TULP4: variants seen among roughly 807,000 people sequenced by gnomAD.
The protein encoded by TULP4 is TUB like protein 4.
A neutral mutation model predicts 129.0 loss-of-function variants in TULP4; 16 were observed. The ratio of observed to expected loss-of-function variants is 0.12; its 90% CI spans 0.08 to 0.19. The LOEUF (loss-of-function observed/expected upper bound fraction) is 0.19. TULP4 is among the 10% of genes least tolerant of loss of function. The pLI is 1.00. For synonymous variants in TULP4, 998 were observed against 854.0 expected, an observed-to-expected ratio of 1.17 and a Z score of -2.94; for missense variants, 1,842 against 2,059.1, an observed-to-expected ratio of 0.89 and a Z score of 2.04.
At chr6:158,315,668 G>A (rs535551298) in intron 1 of TULP4, among the ~76,000 whole-genome samples, 1 of 152,228 alleles carries the variant, frequency 6.6e-6, no homozygotes, top group South Asian at 2.1e-4. Flanking sequence ...CTTAGACTGG[G>A]TAATCCATAA....
chr6:158,425,152 T>G, intron 2 of TULP4, among the ~76,000 whole-genome samples: 1 of 12,450 alleles, frequency 8.0e-5, no homozygotes. Context: ...AGACACCATC[T>G]CAAAAAAAAA....
intron 1 of TULP4, among the ~76,000 whole-genome samples, chr6:158,337,189 G>A (rs1780065062): frequency 8.1e-6 from 1 of 124,216 alleles, no homozygotes; most frequent in South Asian, 2.8e-4. Flanking sequence ...CTGGAGTGCA[G>A]TGGTTCAATC....
In TULP4 at chr6:158,313,594, AC is replaced by A. The variant is rs762810129; in HGVS notation, c.-420del. On this transcript the variant is annotated 5_prime_UTR_variant, in exon 1 of 14. It removes the in-frame stop codon of an upstream open reading frame in the 5' UTR. Transcript: ENST00000367097. ...GTTACTTGAAATCTATGTATTTGCA[AC>A]CCTTTGTCTCTGGAATCATATTACA... 11 of 410,802 alleles carry A rather than the reference AC, an allele frequency of 2.7e-5. No homozygotes were observed. In the South Asian group the frequency reaches 1.2e-3, roughly 44 times the overall value. 25.4% of individuals were successfully genotyped at this position (410,802 alleles called of 1,614,324 possible).
intron 2 of TULP4, among the ~76,000 whole-genome samples, chr6:158,417,669 C>T (rs1778241009): frequency 6.6e-6 from 1 of 152,144 alleles, no homozygotes; most frequent in South Asian, 2.1e-4. Context: ...TGGAAAAGTT[C>T]TGTGGCTTAG....
Position 158,366,002 on chromosome 6 carries a change from A to T in TULP4, c.253-47063A>T, listed in dbSNP as rs1465831228. On this transcript the variant is annotated intron_variant, in intron 1 of 13. Coordinates refer to ENST00000367097, the MANE Select transcript of TULP4 (RefSeq NM_020245.5). ...ACTGCAAGCTGCACCTCCCAGGTTC[A>T]TGCCATTCTCCTGCCTCAGCCTCCC... Among the ~76,000 whole-genome samples, 4 of 136,980 alleles carry T rather than the reference A, an allele frequency of 2.9e-5. No homozygotes were observed. In the Admixed American group the frequency reaches 3.4e-4, roughly 12 times the overall value. 89.9% of individuals were successfully genotyped at this position (136,980 alleles called of 152,430 possible).
rs552620950 is a variant in TULP4, at chr6:158,469,805, G to A, written c.1026+8076G>A. On this transcript the variant is annotated intron_variant, in intron 6 of 13. Transcript: ENST00000367097. ...TAGAACTTTGGGTAGTGGAGTGATA[G>A]CCTTCATTTAACAAGCAGCAGAAGG... Among the ~76,000 whole-genome samples the A allele has an allele frequency of 5.9e-5, 9 of 151,920 alleles. No individual in the cohort carries two copies. The South Asian group carries it at 1.9e-3, about 32-fold the overall frequency.
chr6:158,335,275 A>C (rs1446788788), intron 1 of TULP4, among the ~76,000 whole-genome samples: 2 of 1,074 alleles, frequency 1.9e-3, no homozygotes, highest in Admixed American at 0.014. Flanking sequence ...AGACTGTCTC[A>C]AAAAAAAAAA....
At chr6:158,396,642 A>C (rs1193002543) in intron 1 of TULP4, among the ~76,000 whole-genome samples, 1 of 152,212 alleles carries the variant, frequency 6.6e-6, no homozygotes. Context: ...ATATTTTTAA[A>C]GTGTAAAATG....
chr6:158,447,427 G>T (rs948091971), intron 3 of TULP4, among the ~76,000 whole-genome samples: 4 of 152,016 alleles, frequency 2.6e-5, no homozygotes, highest in Non-Finnish European at 5.9e-5. Flanking sequence ...GCCTTTTTTA[G>T]TATTCATTCA....
At chr6:158,376,858 C>T (rs1215113618) in intron 1 of TULP4, among the ~76,000 whole-genome samples, 1 of 152,212 alleles carries the variant, frequency 6.6e-6, no homozygotes. Context: ...GGCAGCCATC[C>T]CATGACCACA....
chr6:158,326,854 T>G (rs570517769), intron 1 of TULP4, among the ~76,000 whole-genome samples: 114 of 152,330 alleles, frequency 7.5e-4, no homozygotes, highest in African/African-American at 2.5e-3. Context: ...GTGGATCCAC[T>G]TATATGTGGA....
chr6:158,483,543 G>A (rs1467069284), intron 8 of TULP4, among the ~76,000 whole-genome samples: 1 of 152,166 alleles, frequency 6.6e-6, no homozygotes, highest in Non-Finnish European at 1.5e-5. Flanking sequence ...TGCCCAGGCT[G>A]ATAAACTCCT....
At chr6:158,435,327 A>G (rs955372241) in intron 3 of TULP4, among the ~76,000 whole-genome samples, 1 of 152,032 alleles carries the variant, frequency 6.6e-6, no homozygotes, top group African/African-American at 2.4e-5. Flanking sequence ...GCCACAGAGC[A>G]TGCTTCTCTC....
chr6:158,298,648 CAATT>C (rs1212641558), intron 1 of TULP4, among the ~76,000 whole-genome samples: 3 of 152,146 alleles, frequency 2.0e-5, no homozygotes, highest in Non-Finnish European at 4.4e-5. Flanking sequence ...GTATAAATGA[CAATT>C]AATGCATTGG....
At position 158,434,588 on chromosome 6, in the gene TULP4, C is replaced by T. The variant is rs1778711142; in HGVS notation, c.543+4691C>T. 2.6e-5 allele frequency among the ~76,000 whole-genome samples: 4 copies of T among 152,112 alleles called. No homozygotes were observed. The South Asian group carries it at 8.3e-4, about 32-fold the overall frequency. On this transcript the variant is annotated intron_variant, in intron 3 of 13. Coordinates refer to ENST00000367097, the MANE Select transcript of TULP4 (RefSeq NM_020245.5). Reference sequence around the variant, plus strand: ...CTTGGGTTTAGGAGAATACCTTGCCCCTTGATATGTGAAAATTATTTGAGA... The same window carrying T: ...CTTGGGTTTAGGAGAATACCTTGCCTCTTGATATGTGAAAATTATTTGAGA...
At chr6:158,480,009 C>G (rs1216460377) in intron 7 of TULP4, 34 bp downstream of exon 7, 3 of 1,510,610 alleles carry the variant, frequency 2.0e-6, no homozygotes. Context: ...TTCCTCCTCC[C>G]TCACCTGTGC....
intron 1 of TULP4, among the ~76,000 whole-genome samples, chr6:158,274,271 C>CA (rs1778601334): frequency 6.6e-6 from 1 of 151,248 alleles, no homozygotes; most frequent in Non-Finnish European, 1.5e-5. Context: ...AAAACAAAAA[C>CA]AAAACAAAAC....
chr6:158,415,659 C>T lies in TULP4; in HGVS notation c.381+2466C>T, dbSNP rs1292567413. 4.6e-5 allele frequency among the ~76,000 whole-genome samples: 7 copies of T among 150,588 alleles called. No individual in the cohort carries two copies. In the South Asian group the frequency reaches 6.3e-4, roughly 14 times the overall value. On this transcript the variant is annotated intron_variant, in intron 2 of 13. Coordinates refer to ENST00000367097, the MANE Select transcript of TULP4 (RefSeq NM_020245.5). ...ACAGGCATGAGCCACTGCGCCCGGC[C>T]GCTTCTACTTATTAAAAAAAAAAAA...
chr6:158,242,049 A>C, intron 1 of TULP4: 1 of 794,740 alleles, frequency 1.3e-6, no homozygotes, highest in South Asian at 1.3e-5. Flanking sequence ...GTAACCCTAC[A>C]TCCGTTGGTT....
Sources: allele counts gnomAD v4.1 joint callset (sites outside exome capture counted in the v4.1 genomes callset), GRCh38; gene constraint gnomAD v4.1.1; transcripts MANE v1.5; gene names NCBI Gene and HGNC (gene_info 2026-07-23, HGNC 2026-07-21).